NAALADL2: variants seen among roughly 807,000 people sequenced by gnomAD.
The protein encoded by NAALADL2 is N-acetylated alpha-linked acidic dipeptidase like 2.
A neutral mutation model predicts 87.2 loss-of-function variants in NAALADL2; 76 were observed. The observed-to-expected ratio is 0.87, with a 90% CI of 0.72 to 1.05. NAALADL2 has a LOEUF of 1.05. Ranked by LOEUF, NAALADL2 falls within the 50% of genes least tolerant of loss-of-function variation. The pLI, the probability that NAALADL2 is intolerant of heterozygous loss-of-function variation, is 0.00. For synonymous variants in NAALADL2, 354 were observed against 331.0 expected (o/e 1.07, Z -0.75); for missense variants, 1,089 against 945.8 (o/e 1.15, Z -1.99).
In NAALADL2 at chr3:174,993,991, G is replaced by A. The variant is rs187992704; in HGVS notation, c.44-102799G>A. On this transcript the variant is annotated intron_variant, in intron 1 of 13. Transcript: ENST00000454872. ...GTCCCAATTTCTCTCTTCTTATAGG[G>A]CATCAATCATTTTAGATCAAGGGCC... 2.0e-5 allele frequency among the ~76,000 whole-genome samples: 3 copies of A among 152,172 alleles called. No individual in the cohort carries two copies. In the East Asian group the frequency reaches 5.8e-4, roughly 29 times the overall value.
intron 1 of NAALADL2, among the ~76,000 whole-genome samples, chr3:174,996,993 G>GGTGTGTGTGTGT (rs34590643): frequency 8.2e-6 from 1 of 121,574 alleles, no homozygotes; most frequent in Non-Finnish European, 1.7e-5. Flanking sequence ...TATTCCAAGG[G>GGTGTGTGTGTGT]GTGTGTGTGT....
chr3:175,217,942 C>T (rs1224607896), intron 2 of NAALADL2: 3 of 218,230 alleles, frequency 1.4e-5, no homozygotes, highest in African/African-American at 2.3e-5. Context: ...ATGACAGTGA[C>T]TATCAAATAA....
chr3:174,697,630 C>T (rs1450517428), intron 2 of NAALADL2, among the ~76,000 whole-genome samples: 1 of 152,082 alleles, frequency 6.6e-6, no homozygotes, highest in East Asian at 1.9e-4. Context: ...GAGGGATTTT[C>T]AAGTTCAGTG....
intron 11 of NAALADL2, among the ~76,000 whole-genome samples, chr3:175,643,137 T>A (rs1729523290): frequency 6.6e-6 from 1 of 152,136 alleles, no homozygotes; most frequent in Admixed American, 6.5e-5. Context: ...GTTGGAGAAA[T>A]TTTGACTGAT....
intron 2 of NAALADL2, among the ~76,000 whole-genome samples, chr3:174,595,168 C>G (rs977937092): frequency 1.3e-5 from 2 of 152,138 alleles, no homozygotes; most frequent in East Asian, 1.9e-4. Context: ...TGTACACATT[C>G]AGGTCTCATG....
At chr3:175,036,635 G>T (rs1265248327) in intron 1 of NAALADL2, among the ~76,000 whole-genome samples, 2 of 151,824 alleles carry the variant, frequency 1.3e-5, no homozygotes, top group African/African-American at 4.8e-5. Context: ...TCCTGACCTC[G>T]TGTTCTGCCT....
intron 3 of NAALADL2, among the ~76,000 whole-genome samples, chr3:174,773,490 T>C (rs1714830177): frequency 6.6e-6 from 1 of 152,176 alleles, no homozygotes; most frequent in African/African-American, 2.4e-5. Context: ...GAATAAGGTA[T>C]ACTCCATGCT....
At chr3:175,603,184 A>T (rs1004312195) in intron 10 of NAALADL2, among the ~76,000 whole-genome samples, 1 of 152,172 alleles carries the variant, frequency 6.6e-6, no homozygotes, top group Non-Finnish European at 1.5e-5. Flanking sequence ...GCGTTTATTT[A>T]TCTACAGTAC....
chr3:174,817,480 C>A (rs575866112), intron 3 of NAALADL2, among the ~76,000 whole-genome samples: 17 of 152,216 alleles, frequency 1.1e-4, no homozygotes, highest in Non-Finnish European at 2.2e-4. Context: ...CACATACTTA[C>A]AGTCCTAGCT....
At chr3:175,367,335 C>T (rs564901573) in intron 5 of NAALADL2, among the ~76,000 whole-genome samples, 20 of 148,850 alleles carry the variant, frequency 1.3e-4, no homozygotes, top group South Asian at 1.3e-3. Flanking sequence ...ATTGACTTGG[C>T]GATGCGGGCT....
At chr3:174,643,464 C>CTGGT in intron 2 of NAALADL2, among the ~76,000 whole-genome samples, 1 of 151,970 alleles carries the variant, frequency 6.6e-6, no homozygotes, top group Non-Finnish European at 1.5e-5. Context: ...CCAGCCTTGG[C>CTGGT]CAACACAATG....
At chr3:175,016,350 A>C (rs1295214486) in intron 1 of NAALADL2, among the ~76,000 whole-genome samples, 1 of 150,746 alleles carries the variant, frequency 6.6e-6, no homozygotes, top group Non-Finnish European at 1.5e-5. Flanking sequence ...TCATTACAAC[A>C]TTACAACAGT....
chr3:175,338,989 A>G (rs1025904626), intron 5 of NAALADL2, among the ~76,000 whole-genome samples: 1 of 152,188 alleles, frequency 6.6e-6, no homozygotes, highest in African/African-American at 2.4e-5. Flanking sequence ...AATTAGAAAC[A>G]GGGCAGGAGG....
At chr3:175,235,412 T>G in intron 3 of NAALADL2, 1 of 152,300 alleles carries the variant, frequency 6.6e-6, no homozygotes, top group Middle Eastern at 3.4e-3. Flanking sequence ...TAAACTTCAA[T>G]ATAATATTAA....
chr3:175,012,221 A>G (rs1045618255), intron 1 of NAALADL2, among the ~76,000 whole-genome samples: 8 of 152,128 alleles, frequency 5.3e-5, no homozygotes, highest in Non-Finnish European at 7.4e-5. Context: ...CTGGAGTGCA[A>G]TGGCCCAGTC....
intron 11 of NAALADL2, among the ~76,000 whole-genome samples, chr3:175,709,288 T>A (rs1038989642): frequency 2.0e-5 from 3 of 152,162 alleles, no homozygotes; most frequent in African/African-American, 4.8e-5. Flanking sequence ...TATCATGCTA[T>A]GTGTGTATGT....
In NAALADL2 at chr3:175,398,344, C is replaced by CTTTTG. The variant is rs71920464; in HGVS notation, c.1091-48881_1091-48880insGTTTT. Among the ~76,000 whole-genome samples, 975 of 112,036 alleles carry CTTTTG rather than the reference C, an allele frequency of 8.7e-3. 18 individuals carry two copies. The highest frequency in any genetic ancestry group is 0.031 in the African/African-American group (929 of 29,666). 73.5% of individuals were successfully genotyped at this position (112,036 alleles called of 152,430 possible). A position where few individuals can be genotyped will look rare whatever the true frequency, so the allele number is the denominator to read the frequency against. ...TTCTTAATTAGTGATGCTTCTGCTA[C>CTTTTG]TTTTTTTTTTTTTTTTTTTTTTCCA... On this transcript the variant is annotated intron_variant, in intron 5 of 13. Transcript: ENST00000454872.
intron 2 of NAALADL2, among the ~76,000 whole-genome samples, chr3:174,644,484 A>G (rs1723578125): frequency 6.6e-6 from 1 of 152,142 alleles, no homozygotes; most frequent in African/African-American, 2.4e-5. Flanking sequence ...TGCTGTCTCC[A>G]GGGTGGCAGA....
intron 2 of NAALADL2, among the ~76,000 whole-genome samples, chr3:175,126,209 A>G (rs971459348): frequency 1.3e-5 from 2 of 152,094 alleles, no homozygotes; most frequent in Admixed American, 1.3e-4. Flanking sequence ...TGAGACCAGA[A>G]AAGAGGAATT....
Sources: allele counts gnomAD v4.1 joint callset (sites outside exome capture counted in the v4.1 genomes callset), GRCh38; gene constraint gnomAD v4.1.1; transcripts MANE v1.5; gene names NCBI Gene and HGNC (gene_info 2026-07-23, HGNC 2026-07-21).